Variants in MYO9B observed in about 807,000 individuals in gnomAD.
MYO9B encodes myosin IXB.
Under a neutral mutation model 229.5 loss-of-function variants are expected in MYO9B, and 71 were observed. The observed-to-expected ratio is 0.31, with a 90% CI of 0.26 to 0.38. MYO9B has a LOEUF of 0.38. Among genes scored for constraint, MYO9B ranks in the 10% least tolerant of loss-of-function variants. The pLI, the probability that MYO9B is intolerant of heterozygous loss-of-function variation, is 1.00. For missense variants in MYO9B, 2,255 were observed against 2,920.5 expected (o/e 0.77, Z 5.25); for synonymous variants, 1,185 against 1,235.8 (o/e 0.96, Z 0.86).
chr19:17,084,354 T>C (rs893136996), intron 1 of MYO9B, among the ~76,000 whole-genome samples: 3 of 151,340 alleles, frequency 2.0e-5, no homozygotes, highest in Non-Finnish European at 4.4e-5. Flanking sequence ...AAAAAAATTA[T>C]TGGGAATGTA....
At chr19:17,109,723 G>T (rs571975418) in intron 2 of MYO9B, among the ~76,000 whole-genome samples, 6 of 152,312 alleles carry the variant, frequency 3.9e-5, no homozygotes, top group African/African-American at 1.2e-4. Context: ...CTCTGGGCTT[G>T]TGGCCGCATC....
intron 2 of MYO9B, among the ~76,000 whole-genome samples, chr19:17,120,010 A>G (rs2057947049): frequency 6.6e-6 from 1 of 151,552 alleles, no homozygotes; most frequent in Non-Finnish European, 1.5e-5. Flanking sequence ...CGAAAAATAC[A>G]AAAATTAGCC....
chr19:17,155,097 C>G (rs975976448), intron 6 of MYO9B, among the ~76,000 whole-genome samples: 14 of 152,130 alleles, frequency 9.2e-5, no homozygotes, highest in Non-Finnish European at 1.6e-4. Flanking sequence ...TGTACCGCTT[C>G]ATTTCAGCTC....
At chr19:17,155,273 G>A (rs1052337882) in intron 6 of MYO9B, among the ~76,000 whole-genome samples, 5 of 151,146 alleles carry the variant, frequency 3.3e-5, no homozygotes, top group African/African-American at 1.2e-4. Flanking sequence ...CTGCAGCCTC[G>A]ACCTCCCCTG....
At chr19:17,107,110 C>T (rs552291483) in intron 2 of MYO9B, among the ~76,000 whole-genome samples, 2 of 152,096 alleles carry the variant, frequency 1.3e-5, no homozygotes, top group Admixed American at 6.5e-5. Context: ...GCAGTGCATG[C>T]CTGTGGTCTC....
Position 17,195,144 on chromosome 19 carries a change from C to T in MYO9B, c.3717C>T (p.Pro1239=), listed in dbSNP as rs756058038. Residue 1239 remains proline (P), a synonymous_variant, in exon 22 of 40, where the codon CCC becomes CCT. Transcript: ENST00000682292. This position sits in a 1 kb window ranked among gnomAD's most constrained non-coding sequence, Gnocchi z 4.5. The stretch of plus-strand genomic sequence containing the variant: ...CTGAAGAAACTGAGAAGACGCTGCC[C>T]AGTGGGAGCCCCAGGCCTGGCCAGT... ...KVSEETEKTL[P]SGSPRPGQLE... 6.2e-7 allele frequency: 1 copy of T among 1,611,504 alleles called. No homozygotes were observed. Among genetic ancestry groups the T allele is most frequent in the Non-Finnish European group, 8.5e-7 (1 of 1,179,368 alleles).
In MYO9B at chr19:17,154,024, A is replaced by G. The variant is rs1214015113; in HGVS notation, c.1056A>G (p.Glu352=). 1 of 1,613,784 alleles carries G rather than the reference A, an allele frequency of 6.2e-7. No homozygotes were observed. Among genetic ancestry groups the G allele is most frequent in the East Asian group, 2.2e-5 (1 of 44,874 alleles). Residue 352 remains glutamate, a synonymous_variant, in exon 5 of 40, where the codon GAA becomes GAG. Transcript: ENST00000682292. ...LLGVSEEERQ[E]FQLKQPEDYF... ...GGGTCAGCGAGGAAGAGCGCCAAGA[A>G]TTTCAGCTCAAGCAGCCTGAAGATT...
intron 4 of MYO9B, 112 bp downstream of exon 4, chr19:17,152,818 GC>G: frequency 1.1e-6 from 1 of 900,034 alleles, no homozygotes; most frequent in Admixed American, 2.4e-5. Context: ...TCTGGGGGAG[GC>G]CGTGGAGGCT....
intron 15 of MYO9B, among the ~76,000 whole-genome samples, chr19:17,182,991 G>A (rs10411578): frequency 0.081 from 12,280 of 151,920 alleles, 1,012 homozygotes; most frequent in African/African-American, 0.21. Flanking sequence ...GCACGATCTC[G>A]GCTCACTGCA....
At chr19:17,185,013 G>A in intron 17 of MYO9B, 26 bp downstream of exon 17, 2 of 1,613,556 alleles carry the variant, frequency 1.2e-6, no homozygotes, top group South Asian at 2.2e-5. Context: ...GAGGCAGAAG[G>A]TGGCGGTCAG....
chr19:17,202,744 T>G, intron 28 of MYO9B, 98 bp from the exon 29 acceptor site: 1 of 1,252,670 alleles, frequency 8.0e-7, no homozygotes, highest in Non-Finnish European at 1.1e-6. Context: ...TGAGGGAGGG[T>G]TCAGGGTACC....
Position 17,187,920 on chromosome 19 carries a change from G to T in MYO9B, c.2578-15G>T, listed in dbSNP as rs753999910. 6.4e-7 allele frequency: 1 copy of T among 1,563,592 alleles called. No individual in the cohort carries two copies. Among genetic ancestry groups the T allele is most frequent in the South Asian group, 1.2e-5 (1 of 85,014 alleles). On this transcript the variant is annotated splice_polypyrimidine_tract_variant and intron_variant, in intron 18 of 39. Coordinates refer to ENST00000682292, the MANE Select transcript of MYO9B (RefSeq NM_004145.4). The stretch of plus-strand genomic sequence containing the variant: ...GTCAAGGCCACCTGCCTGATGTCTC[G>T]CATTCCCATTTCAGAAAGAGCTGTG...
In MYO9B at chr19:17,193,047, A is replaced by T. The variant is rs1294467897; in HGVS notation, c.3113A>T (p.His1038Leu). The change falls in exon 21 of 40, where the codon CAC becomes CTC. Residue 1038 changes from histidine to leucine, a missense_variant. Around this residue, in one of 7 missense-constraint regions of MYO9B, gnomAD observed 679 missense variants for 770.2 expected, o/e 0.88. Transcript: ENST00000682292. This position sits in a 1 kb window ranked among gnomAD's most constrained non-coding sequence, Gnocchi z 4.3. ...IIRLQSLCRG[H>L]LQRKSFSQMI... ...CGCCTGCAGAGCCTGTGTCGGGGGC[A>T]CCTGCAGCGCAAGAGGTGAGCAGAG... 2 of 1,463,834 alleles carry T rather than the reference A, an allele frequency of 1.4e-6. No homozygotes were observed. The highest frequency in any genetic ancestry group is 1.8e-6 in the Non-Finnish European group (2 of 1,106,750). The allele number at this position is 1,463,834 out of a possible 1,614,324, so 90.7% of individuals were successfully genotyped here.
chr19:17,133,103 C>T (rs914615209), intron 2 of MYO9B, among the ~76,000 whole-genome samples: 4 of 151,562 alleles, frequency 2.6e-5, no homozygotes, highest in Admixed American at 2.6e-4. Flanking sequence ...GTCTCAGCCT[C>T]CCAAAGTGCT....
At chr19:17,080,621 C>G (rs563066428) in intron 1 of MYO9B, among the ~76,000 whole-genome samples, 1 of 152,162 alleles carries the variant, frequency 6.6e-6, no homozygotes, top group East Asian at 1.9e-4. Context: ...TAATCTCAGC[C>G]CTTTGGGAGG....
chr19:17,192,828 G>T lies in MYO9B; in HGVS notation c.2894G>T (p.Ser965Ile), dbSNP rs955504524. 1 of 1,554,614 alleles carries T rather than the reference G, an allele frequency of 6.4e-7. No homozygotes were observed. Reference sequence around the variant, plus strand: ...GTGCGGAAAATCCTGCTGCTGCAGAGCTGGTTCCGGATGGTGCTGGAGCGT... The same window carrying T: ...GTGCGGAAAATCCTGCTGCTGCAGATCTGGTTCCGGATGGTGCTGGAGCGT... The part of the protein sequence containing the change: ...EVVRKILLLQ[S>I]WFRMVLERRH... Residue 965 changes from serine (S) to isoleucine (I), a missense_variant, in exon 21 of 40, where the codon AGC (serine) becomes ATC (isoleucine). This residue lies in a region of MYO9B where 679 missense variants were observed against 770.2 expected (regional missense o/e 0.88). Transcript: ENST00000682292.
intron 7 of MYO9B, 147 bp downstream of exon 7, chr19:17,157,185 GTTCC>G: frequency 1.0e-6 from 1 of 1,002,662 alleles, no homozygotes; most frequent in Non-Finnish European, 1.4e-6. Context: ...TCTCTACAGT[GTTCC>G]TTCCTCATTT....
At chr19:17,111,681 C>A (rs1488043170) in intron 2 of MYO9B, among the ~76,000 whole-genome samples, 1 of 152,132 alleles carries the variant, frequency 6.6e-6, no homozygotes, top group Non-Finnish European at 1.5e-5. Flanking sequence ...AATTCAGTGG[C>A]ATTTAGTACA....
chr19:17,100,985 G>A (rs1013128839), intron 1 of MYO9B, among the ~76,000 whole-genome samples: 4 of 150,674 alleles, frequency 2.7e-5, no homozygotes, highest in African/African-American at 9.8e-5. Context: ...GGGAGCTGCT[G>A]GGGAGGTTTA....
Sources: gnomAD v4.1 joint callset for allele counts (sites outside exome capture counted in the v4.1 genomes callset) on GRCh38, gnomAD v4.1.1 for gene constraint, gnomAD v4.1.1 regional missense constraint, Gnocchi (gnomAD v3.1) non-coding constraint, MANE v1.5 for transcripts, NCBI Gene and HGNC (gene_info 2026-07-23, HGNC 2026-07-21) for gene names.